Variants in SVIL observed in about 807,000 individuals in gnomAD.
SVIL encodes archvillin.
SVIL carries 101 observed loss-of-function variants against 240.4 expected under a neutral mutation model. The ratio of observed to expected loss-of-function variants is 0.42; its 90% CI spans 0.36 to 0.50. SVIL has a LOEUF of 0.50. Among genes scored for constraint, SVIL ranks in the 20% least tolerant of loss-of-function variants. SVIL has a pLI of 0.01. For missense variants in SVIL, 2,512 were observed against 2,818.7 expected (o/e 0.89, Z 2.46); for synonymous variants, 999 against 1,100.0 (o/e 0.91, Z 1.82).
upstream of SVIL, among the ~76,000 whole-genome samples, chr10:29,635,818 CAAACCCCAT>C (rs952915225): frequency 1.1e-4 from 16 of 152,208 alleles, no homozygotes; most frequent in African/African-American, 3.9e-4. Flanking sequence ...GTATAAACCA[CAAACCCCAT>C]AAGACTTGGG....
At chr10:29,526,842 A>G in intron 13 of SVIL, 119 bp downstream of exon 13, 2 of 844,918 alleles carry the variant, frequency 2.4e-6, no homozygotes, top group Non-Finnish European at 1.7e-6. Context: ...CGCATTCTGG[A>G]ACAACTCACG....
Position 29,550,679 on chromosome 10 carries a change from C to A in SVIL, c.745G>T (p.Ala249Ser), listed in dbSNP as rs373559551. 1.9e-6 allele frequency: 3 copies of A among 1,613,974 alleles called. No individual in the cohort carries two copies. Among genetic ancestry groups the A allele is most frequent in the South Asian group, 2.2e-5 (2 of 91,076 alleles). ...FTEVPRSPKH[A>S]HSSSLQQAAS... The stretch of plus-strand genomic sequence containing the variant: ...GCCTGCTGCAGGGAGGAGCTGTGGG[C>A]GTGCTTGGGGGACCGTGGCACTTCA... The change falls in exon 6 of 38, where the codon GCC (alanine) becomes TCC (serine). Residue 249 changes from alanine (A) to serine (S), a missense_variant. By Grantham distance (99) the Ala-to-Ser change is moderately conservative. Around this residue, in one of 3 missense-constraint regions of SVIL, gnomAD observed 1,443 missense variants for 1,486.6 expected, o/e 0.97. Transcript: ENST00000355867.
At chr10:29,674,563 A>C (rs376704411) in intron 2 of SVIL, among the ~76,000 whole-genome samples, 1 of 152,348 alleles carries the variant, frequency 6.6e-6, no homozygotes, top group East Asian at 1.9e-4. Flanking sequence ...CCATTATATT[A>C]TATTCCACAA....
chr10:29,548,914 T>A (rs991645953), intron 6 of SVIL, among the ~76,000 whole-genome samples: 1 of 152,222 alleles, frequency 6.6e-6, no homozygotes, highest in African/African-American at 2.4e-5. Flanking sequence ...CCATGACACC[T>A]GTTCAGTTTG....
intron 20 of SVIL, among the ~76,000 whole-genome samples, chr10:29,494,363 AC>A (rs1026622314): frequency 6.6e-6 from 1 of 152,152 alleles, no homozygotes; most frequent in African/African-American, 2.4e-5. Flanking sequence ...ATTATTTTCA[AC>A]CTTTTAGTGG....
intron 1 of SVIL, among the ~76,000 whole-genome samples, chr10:29,628,646 T>C (rs1402468904): frequency 1.3e-5 from 2 of 152,196 alleles, no homozygotes; most frequent in African/African-American, 4.8e-5. Flanking sequence ...TTTCTATTGA[T>C]AGCAGATACA....
At chr10:29,608,112 C>G (rs1957092553) in intron 1 of SVIL, among the ~76,000 whole-genome samples, 1 of 152,220 alleles carries the variant, frequency 6.6e-6, no homozygotes, top group Non-Finnish European at 1.5e-5. Flanking sequence ...ATGGGACTCT[C>G]TACTGCCCCC....
At chr10:29,696,346 G>A (rs1252392299) in intron 1 of SVIL, among the ~76,000 whole-genome samples, 2 of 152,114 alleles carry the variant, frequency 1.3e-5, no homozygotes, top group Non-Finnish European at 2.9e-5. Context: ...CCAAAGTGCG[G>A]AGATTGCAGC....
At chr10:29,670,904 C>T (rs961959992) in intron 2 of SVIL, 4 of 152,216 alleles carry the variant, frequency 2.6e-5, no homozygotes, top group African/African-American at 4.8e-5. Flanking sequence ...ATTGGAGTAA[C>T]TGTGGCTGGC....
Position 29,470,398 on chromosome 10 carries a change from C to A in SVIL, c.5721G>T (p.Arg1907Ser). 6.2e-7 allele frequency: 1 copy of A among 1,614,232 alleles called. No homozygotes were observed. The highest frequency in any genetic ancestry group is 8.5e-7 in the Non-Finnish European group (1 of 1,180,048). ...LEVACHCSSL[R>S]SRTSMVVLNV... is the part of the protein sequence containing the mutation. Reference sequence around the variant, plus strand: ...TAAGCACCACCATGGAAGTTCTGGACCTCAGGCTGCTACAGTGACAGGCCA... The same window carrying A: ...TAAGCACCACCATGGAAGTTCTGGAACTCAGGCTGCTACAGTGACAGGCCA... Residue 1907 changes from arginine (R) to serine (S), a missense_variant, in exon 32 of 38, where the codon AGG (arginine) becomes AGT (serine). Physicochemically the swap from Arg to Ser is moderately radical, Grantham distance 110 (BLOSUM62 -1). Transcript: ENST00000355867.
chr10:29,579,994 T>C (rs1486349031), intron 1 of SVIL, among the ~76,000 whole-genome samples: 3 of 151,924 alleles, frequency 2.0e-5, no homozygotes, highest in African/African-American at 7.2e-5. Flanking sequence ...TGACCTAGGA[T>C]AGATACATCA....
At chr10:29,485,732 A>G (rs1947329753) in intron 26 of SVIL, among the ~76,000 whole-genome samples, 1 of 152,246 alleles carries the variant, frequency 6.6e-6, no homozygotes, top group Non-Finnish European at 1.5e-5. Flanking sequence ...TCCATAAATT[A>G]TATATGCATG....
Position 29,527,034 on chromosome 10 carries a change from A to T in SVIL, c.2269T>A (p.Ser757Thr), listed in dbSNP as rs1463872865. The T allele has an allele frequency of 6.2e-7, 1 of 1,613,878 alleles. No homozygotes were observed. The highest frequency in any genetic ancestry group is 8.5e-7 in the Non-Finnish European group (1 of 1,179,974). The change falls in exon 13 of 38, where the codon TCT becomes ACT. Residue 757 changes from serine to threonine, a missense_variant. Around this residue, in one of 3 missense-constraint regions of SVIL, gnomAD observed 1,443 missense variants for 1,486.6 expected, o/e 0.97. Coordinates refer to ENST00000355867, the MANE Select transcript of SVIL (RefSeq NM_021738.3). ...GCCATTACAGGGTGGGTGCCCCCAG[A>T]ACACGAAGCGGGGATAGGTTCACTT... ...AATEPIPASC[S>T]GGTHPVMARL...
chr10:29,539,863 C>A (rs566577832), intron 6 of SVIL, among the ~76,000 whole-genome samples: 10 of 152,300 alleles, frequency 6.6e-5, no homozygotes, highest in African/African-American at 2.4e-4. Flanking sequence ...TATGCCAAAT[C>A]CCTGCTTCGA....
intron 2 of SVIL, among the ~76,000 whole-genome samples, chr10:29,661,060 G>A (rs1169590173): frequency 4.6e-5 from 7 of 151,936 alleles, no homozygotes; most frequent in Admixed American, 1.3e-4. Context: ...CCAGCTATTC[G>A]GAAGGCTGAG....
At chr10:29,638,759 T>C (rs1958390377), upstream of SVIL, among the ~76,000 whole-genome samples, 1 of 152,216 alleles carries the variant, frequency 6.6e-6, no homozygotes, top group African/African-American at 2.4e-5. Context: ...AATGTGTTTA[T>C]TTAGCAGGCT....
At chr10:29,636,869 T>A (rs1752806223), upstream of SVIL, among the ~76,000 whole-genome samples, 1 of 152,154 alleles carries the variant, frequency 6.6e-6, no homozygotes, top group African/African-American at 2.4e-5. Context: ...AGGTGTGCAA[T>A]CATGGCTCAC....
Position 29,623,566 on chromosome 10 carries a change from G to C in SVIL, c.-201+10854C>G, listed in dbSNP as rs1015814130. On this transcript the variant is annotated intron_variant, in intron 1 of 37. Transcript: ENST00000355867. ...CATTTCTATAGAAACACAGTCATTT[G>C]CCAGGCAGGCGCGGAGGCTCACGCC... is the stretch of plus-strand genomic sequence containing the variant. Among the ~76,000 whole-genome samples, 4 of 152,310 alleles carry C rather than the reference G, an allele frequency of 2.6e-5. No individual in the cohort carries two copies. In the South Asian group the frequency reaches 8.3e-4, roughly 32 times the overall value.
chr10:29,607,917 C>G (rs987766614), intron 1 of SVIL, among the ~76,000 whole-genome samples: 1 of 152,306 alleles, frequency 6.6e-6, no homozygotes, highest in Non-Finnish European at 1.5e-5. Flanking sequence ...AGGCTCTTTC[C>G]CATCAAGCTT....
Sources: gnomAD v4.1 joint callset for allele counts (sites outside exome capture counted in the v4.1 genomes callset) on GRCh38, gnomAD v4.1.1 for gene constraint, gnomAD v4.1.1 regional missense constraint, MANE v1.5 for transcripts, NCBI Gene and HGNC (gene_info 2026-07-23, HGNC 2026-07-21) for gene names.